GNA14: variants seen among roughly 807,000 people sequenced by gnomAD.
GNA14 encodes guanine nucleotide-binding protein subunit alpha-14.
GNA14 carries 50 observed loss-of-function variants against 42.0 expected under a neutral mutation model. The observed-to-expected ratio is 1.19, with a 90% CI of 0.95 to 1.51. The LOEUF (loss-of-function observed/expected upper bound fraction) is 1.51, where lower values mean the gene tolerates loss of function less well. Among genes scored for constraint, GNA14 ranks in the 40% most tolerant of loss-of-function variants. The probability of loss-of-function intolerance (pLI) is 0.00; values close to 1 mark genes in which losing one functional copy is unlikely to be tolerated. For missense variants in GNA14, 473 were observed against 446.2 expected (o/e 1.06, Z -0.54); for synonymous variants, 173 against 163.1 (o/e 1.06, Z -0.46).
chr9:77,594,987 C>A (rs1823441689), intron 1 of GNA14, among the ~76,000 whole-genome samples: 1 of 152,174 alleles, frequency 6.6e-6, no homozygotes. Flanking sequence ...TAAATGAAGC[C>A]TTTCCTGTTG....
intron 2 of GNA14, among the ~76,000 whole-genome samples, chr9:77,493,020 A>ATAT (rs1466048683): frequency 0.012 from 982 of 80,216 alleles, 4 homozygotes; most frequent in East Asian, 0.038. Flanking sequence ...AAAAAAAAAA[A>ATAT]AAAAAAATAT....
chr9:77,474,398 CCA>C (rs1836382817), intron 2 of GNA14, among the ~76,000 whole-genome samples: 1 of 25,480 alleles, frequency 3.9e-5, no homozygotes, highest in Non-Finnish European at 6.4e-5. Flanking sequence ...CACTTGTTAT[CCA>C]TGACAAGCCT....
chr9:77,581,787 T>C (rs960772807), intron 1 of GNA14, among the ~76,000 whole-genome samples: 19 of 152,194 alleles, frequency 1.2e-4, no homozygotes, highest in African/African-American at 4.1e-4. Context: ...TTCCTGTGGA[T>C]GCTTCTCATC....
At chr9:77,604,666 C>A (rs1264867838) in intron 1 of GNA14, among the ~76,000 whole-genome samples, 1 of 152,210 alleles carries the variant, frequency 6.6e-6, no homozygotes, top group Non-Finnish European at 1.5e-5. Context: ...ATCACATAAT[C>A]CAGAGCCCAG....
chr9:77,628,288 A>T (rs1487736155), intron 1 of GNA14, among the ~76,000 whole-genome samples: 1 of 152,224 alleles, frequency 6.6e-6, no homozygotes, highest in Non-Finnish European at 1.5e-5. Context: ...GATAGAACCA[A>T]TAATGTGAAA....
At chr9:77,510,923 G>C (rs1032048280) in intron 2 of GNA14, among the ~76,000 whole-genome samples, 3 of 152,036 alleles carry the variant, frequency 2.0e-5, no homozygotes, top group African/African-American at 7.2e-5. Flanking sequence ...CCCAGCCCTT[G>C]GTGGGGGAGG....
chr9:77,494,905 T>G (rs531061084), intron 2 of GNA14, among the ~76,000 whole-genome samples: 2 of 152,168 alleles, frequency 1.3e-5, no homozygotes, highest in Non-Finnish European at 1.5e-5. Context: ...GTTCAAGTGA[T>G]TCTCCTGCCT....
At chr9:77,492,058 C>T (rs1433895959) in intron 2 of GNA14, among the ~76,000 whole-genome samples, 1 of 152,002 alleles carries the variant, frequency 6.6e-6, no homozygotes, top group Non-Finnish European at 1.5e-5. Context: ...CCTGAATGAC[C>T]AATGGGTCAA....
At chr9:77,460,812 T>G (rs1420927254) in intron 2 of GNA14, among the ~76,000 whole-genome samples, 1 of 152,208 alleles carries the variant, frequency 6.6e-6, no homozygotes, top group Non-Finnish European at 1.5e-5. Context: ...CATCACAGGC[T>G]GTGGGGCGTG....
chr9:77,434,361 TACTC>T lies in GNA14; in HGVS notation c.464+3_464+6del, dbSNP rs774093176. 8.7e-6 allele frequency: 14 copies of T among 1,612,610 alleles called. No individual in the cohort carries two copies. The highest frequency in any genetic ancestry group is 1.3e-5 in the African/African-American group (1 of 74,876). On this transcript the variant is annotated splice_donor_5th_base_variant and intron_variant, in intron 3 of 6. Transcript: ENST00000341700. Reference sequence around the variant, plus strand: ...CCGCGGGCGGCCAGGGTGGGCTCTGTACTCACTATTTGGCAGAGTCCGACAGCTG... The same window carrying T: ...CCGCGGGCGGCCAGGGTGGGCTCTGTACTATTTGGCAGAGTCCGACAGCTG...
At position 77,429,106 on chromosome 9, in the gene GNA14, T is replaced by TA. The variant is rs1835504130; in HGVS notation, c.594-71dup. Reference sequence around the variant, plus strand: ...CACTTCGGGGAAAAAGGACATGAATTATAGCATGGAAACCAGTGCTCTTGG... The same window carrying TA: ...CACTTCGGGGAAAAAGGACATGAATTAATAGCATGGAAACCAGTGCTCTTGG... On this transcript the variant is annotated intron_variant, in intron 4 of 6. Transcript: ENST00000341700. 4 of 1,479,188 alleles carry TA rather than the reference T, an allele frequency of 2.7e-6. No homozygotes were observed. In the Admixed American group the frequency reaches 6.9e-5, roughly 26 times the overall value. 91.6% of individuals were successfully genotyped at this position (1,479,188 alleles called of 1,614,324 possible).
chr9:77,630,112 G>GTTTT (rs138576637), intron 1 of GNA14, among the ~76,000 whole-genome samples: 1 of 139,740 alleles, frequency 7.2e-6, no homozygotes, highest in African/African-American at 2.5e-5. Flanking sequence ...TTTGTTTTTT[G>GTTTT]TTTTTTTTTT....
At chr9:77,566,037 A>T (rs1822963083) in intron 1 of GNA14, among the ~76,000 whole-genome samples, 2 of 152,112 alleles carry the variant, frequency 1.3e-5, no homozygotes, top group South Asian at 4.1e-4. Context: ...AATGCACAGG[A>T]CAGTCTCTCA....
At chr9:77,468,232 C>T (rs1259643482) in intron 2 of GNA14, among the ~76,000 whole-genome samples, 1 of 152,212 alleles carries the variant, frequency 6.6e-6, no homozygotes, top group Non-Finnish European at 1.5e-5. Context: ...TCTTAATGCT[C>T]TTACTGGCAT....
At chr9:77,461,087 A>C (rs1836096176) in intron 2 of GNA14, among the ~76,000 whole-genome samples, 1 of 152,246 alleles carries the variant, frequency 6.6e-6, no homozygotes, top group Admixed American at 6.5e-5. Flanking sequence ...CATGCTGATC[A>C]GTCACTGAAT....
chr9:77,569,342 T>C (rs1194797277), intron 1 of GNA14, among the ~76,000 whole-genome samples: 1 of 152,154 alleles, frequency 6.6e-6, no homozygotes, highest in African/African-American at 2.4e-5. Context: ...GAGAGATCAT[T>C]GGCATTTGGC....
chr9:77,446,069 T>C (rs1337136787), intron 2 of GNA14, among the ~76,000 whole-genome samples: 1 of 152,200 alleles, frequency 6.6e-6, no homozygotes, highest in Non-Finnish European at 1.5e-5. Context: ...AGGCGGGGAC[T>C]CTGCAGGGAA....
intron 1 of GNA14, among the ~76,000 whole-genome samples, chr9:77,600,998 C>T (rs996618522): frequency 2.0e-5 from 3 of 152,102 alleles, no homozygotes; most frequent in Non-Finnish European, 2.9e-5. Context: ...AAGGGTCGTC[C>T]GAGAATCTCC....
intron 2 of GNA14, among the ~76,000 whole-genome samples, chr9:77,479,926 C>T (rs1836511296): frequency 6.6e-6 from 1 of 152,076 alleles, no homozygotes; most frequent in Admixed American, 6.5e-5. Context: ...GCTGAAGTTG[C>T]TTATCAGCTT....
Sources: gnomAD v4.1 joint callset for allele counts (sites outside exome capture counted in the v4.1 genomes callset) on GRCh38, gnomAD v4.1.1 for gene constraint, MANE v1.5 for transcripts, NCBI Gene and HGNC (gene_info 2026-07-23, HGNC 2026-07-21) for gene names.